Variants in EPC1 observed in about 807,000 individuals in gnomAD.
The protein encoded by EPC1 is enhancer of polycomb 1.
EPC1 carries 12 observed loss-of-function variants against 98.4 expected under a neutral mutation model. The ratio of observed to expected loss-of-function variants is 0.12; its 90% CI spans 0.08 to 0.20. EPC1 has a LOEUF of 0.20. Among genes scored for constraint, EPC1 ranks in the 10% least tolerant of loss-of-function variants. EPC1 has a pLI of 1.00. For synonymous variants in EPC1, 357 were observed against 363.9 expected, an observed-to-expected ratio of 0.98 and a Z score of 0.21; for missense variants, 729 against 990.5, an observed-to-expected ratio of 0.74 and a Z score of 3.54.
intron 9 of EPC1, chr10:32,285,274 C>T: frequency 2.3e-6 from 1 of 442,904 alleles, no homozygotes; most frequent in Non-Finnish European, 4.0e-6. Flanking sequence ...TTTTCACTTC[C>T]ATTACAAAGC....
At chr10:32,342,281 A>G (rs1838413668) in intron 1 of EPC1, among the ~76,000 whole-genome samples, 1 of 152,234 alleles carries the variant, frequency 6.6e-6, no homozygotes, top group South Asian at 2.1e-4. Context: ...GGGACTAAAA[A>G]TATTGGTTTA....
chr10:32,342,966 G>A (rs1838465573), intron 1 of EPC1, among the ~76,000 whole-genome samples: 1 of 152,268 alleles, frequency 6.6e-6, no homozygotes, highest in South Asian at 2.1e-4. Flanking sequence ...AGAATGCGAA[G>A]CCGTAGCACA....
Position 32,334,591 on chromosome 10 carries a change from C to T in EPC1, c.153+12172G>A, listed in dbSNP as rs144889964. Reference sequence around the variant, plus strand: ...GTTCTGAACAAAAAAAGTACAACATCCTCTTTATACACTAGCTGCTTTTCT... The same window carrying T: ...GTTCTGAACAAAAAAAGTACAACATTCTCTTTATACACTAGCTGCTTTTCT... On this transcript the variant is annotated intron_variant, in intron 1 of 13. Coordinates refer to ENST00000319778, the MANE Select transcript of EPC1 (RefSeq NM_001272004.3). Among the ~76,000 whole-genome samples the T allele has an allele frequency of 2.0e-5, 3 of 152,230 alleles. No individual in the cohort carries two copies. In the East Asian group the frequency reaches 5.8e-4, roughly 29 times the overall value.
chr10:32,304,628 C>T (rs1391077886), intron 2 of EPC1, among the ~76,000 whole-genome samples: 1 of 152,006 alleles, frequency 6.6e-6, no homozygotes, highest in East Asian at 1.9e-4. Flanking sequence ...CTAGAAAAAC[C>T]TCTTGATCAG....
intron 10 of EPC1, among the ~76,000 whole-genome samples, chr10:32,278,741 T>C (rs1836242152): frequency 1.3e-5 from 2 of 152,168 alleles, no homozygotes; most frequent in Admixed American, 6.5e-5. Flanking sequence ...AAAATGATTC[T>C]TCAGGTAGTT....
chr10:32,294,647 G>A (rs575837218), intron 2 of EPC1, among the ~76,000 whole-genome samples: 7 of 152,264 alleles, frequency 4.6e-5, no homozygotes, highest in Middle Eastern at 3.4e-3. Flanking sequence ...GAGGATCTTA[G>A]ATCTGCAAGA....
intron 1 of EPC1, chr10:32,345,539 T>G: frequency 1.0e-6 from 1 of 985,496 alleles, no homozygotes; most frequent in Non-Finnish European, 1.2e-6. Flanking sequence ...GTCAATACAC[T>G]GCACCCTGTT....
At position 32,284,684 on chromosome 10, in the gene EPC1, A is replaced by G; in HGVS notation, c.1744+14T>C. 1 of 1,584,900 alleles carries G rather than the reference A, an allele frequency of 6.3e-7. No homozygotes were observed. The highest frequency in any genetic ancestry group is 8.6e-7 in the Non-Finnish European group (1 of 1,158,306). On this transcript the variant is annotated intron_variant, in intron 10 of 13. Transcript: ENST00000319778. Reference sequence around the variant, plus strand: ...CATTTCTATAGAAACGTACATCATTAACAGTCAACATACCAAAGTGTGCTG... The same window carrying G: ...CATTTCTATAGAAACGTACATCATTGACAGTCAACATACCAAAGTGTGCTG...
At position 32,279,677 on chromosome 10, in the gene EPC1, T is replaced by C. The variant is rs183204405; in HGVS notation, c.1744+5021A>G. ...AGGAATTCACATATTGAACATAGAA[T>C]TGTAGCTTAAAAATCACTTTGTTTC... On this transcript the variant is annotated intron_variant, in intron 10 of 13. Coordinates refer to ENST00000319778, the MANE Select transcript of EPC1 (RefSeq NM_001272004.3). Among the ~76,000 whole-genome samples, 5 of 152,312 alleles carry C rather than the reference T, an allele frequency of 3.3e-5. No individual in the cohort carries two copies. The East Asian group carries it at 5.8e-4, about 18-fold the overall frequency.
At chr10:32,289,537 A>G (rs538360848) in intron 6 of EPC1, among the ~76,000 whole-genome samples, 6 of 152,194 alleles carry the variant, frequency 3.9e-5, no homozygotes, top group African/African-American at 1.2e-4. Context: ...AGTGAGCATG[A>G]TATTAAATGA....
intron 10 of EPC1, among the ~76,000 whole-genome samples, chr10:32,280,719 C>T (rs752672649): frequency 3.3e-5 from 5 of 152,040 alleles, no homozygotes; most frequent in Non-Finnish European, 5.9e-5. Flanking sequence ...GCCTGGGAGA[C>T]AGAGCAAGAC....
At chr10:32,369,145 G>A (rs1453053572) in intron 1 of EPC1, among the ~76,000 whole-genome samples, 1 of 152,210 alleles carries the variant, frequency 6.6e-6, no homozygotes, top group Non-Finnish European at 1.5e-5. Context: ...AGCCATGAGA[G>A]AAATTCAGTC....
chr10:32,355,587 A>G (rs1305283009), intron 1 of EPC1, among the ~76,000 whole-genome samples: 3 of 146,768 alleles, frequency 2.0e-5, no homozygotes, highest in Admixed American at 6.8e-5. Context: ...CAAAGAACAC[A>G]CTACCTTTAG....
At position 32,364,001 on chromosome 10, in the gene EPC1, C is replaced by CCTTTTTTTTTTTTTTTTTTTTTTTTTT. The variant is rs770520611; in HGVS notation, c.3+14489_3+14490insAAAAAAAAAAAAAAAAAAAAAAAAAAG. The stretch of plus-strand genomic sequence containing the variant: ...AATAGTATCGTGTCCATCATGTTGG[C>CCTTTTTTTTTTTTTTTTTTTTTTTTTT]ATTTTTTTTTTTTTTTTTTTTTTTT... On this transcript the variant is annotated intron_variant, in intron 1 of 13. Transcript: ENST00000375110. 4.2e-4 allele frequency among the ~76,000 whole-genome samples: 26 copies of CCTTTTTTTTTTTTTTTTTTTTTTTTTT among 61,840 alleles called. 12 individuals are homozygous for CCTTTTTTTTTTTTTTTTTTTTTTTTTT. The highest frequency in any genetic ancestry group is 7.3e-4 in the Admixed American group (3 of 4,114). The allele number at this position is 61,840 out of a possible 152,430, so 40.6% of individuals were successfully genotyped here.
At chr10:32,341,269 A>G (rs1838327451) in intron 1 of EPC1, among the ~76,000 whole-genome samples, 1 of 152,204 alleles carries the variant, frequency 6.6e-6, no homozygotes, top group African/African-American at 2.4e-5. Flanking sequence ...TTACATACAT[A>G]AAAAGGACTC....
At chr10:32,346,601 G>C in intron 1 of EPC1, 162 bp downstream of exon 1, 2 of 710,536 alleles carry the variant, frequency 2.8e-6, no homozygotes, top group South Asian at 3.7e-5. Flanking sequence ...GCGGCCGGGG[G>C]TCGAGGCTGG....
At chr10:32,366,668 G>C (rs1213042532) in intron 1 of EPC1, among the ~76,000 whole-genome samples, 2 of 147,150 alleles carry the variant, frequency 1.4e-5, no homozygotes, top group East Asian at 4.0e-4. Context: ...TACATGTAAA[G>C]AGGTATATAT....
intron 1 of EPC1, among the ~76,000 whole-genome samples, chr10:32,360,648 C>G (rs1482205188): frequency 6.6e-6 from 1 of 152,158 alleles, no homozygotes; most frequent in Non-Finnish European, 1.5e-5. Context: ...AATCCCTGCA[C>G]TTTGGGAGGC....
chr10:32,349,332 G>A (rs147806894), upstream of EPC1, among the ~76,000 whole-genome samples: 4 of 152,220 alleles, frequency 2.6e-5, no homozygotes, highest in African/African-American at 9.6e-5. Context: ...AGTAATAATG[G>A]GTGGAGTACA....
Sources: allele counts gnomAD v4.1 joint callset (sites outside exome capture counted in the v4.1 genomes callset), GRCh38; gene constraint gnomAD v4.1.1; transcripts MANE v1.5; gene names NCBI Gene and HGNC (gene_info 2026-07-23, HGNC 2026-07-21).